The following CORO1C variants were observed in gnomAD, a reference collection of about 807,000 sequenced individuals.
CORO1C encodes coronin 1C, also known as coronin-1C.
CORO1C carries 14 observed loss-of-function variants against 51.2 expected under a neutral mutation model. That is an observed-to-expected ratio of 0.27 (90% CI 0.18 to 0.43). The LOEUF (loss-of-function observed/expected upper bound fraction) is 0.43. CORO1C is among the 20% of genes least tolerant of loss of function. The pLI is 1.00. For missense variants in CORO1C, 417 were observed against 607.8 expected, an observed-to-expected ratio of 0.69 and a Z score of 3.30; for synonymous variants, 181 against 210.5, an observed-to-expected ratio of 0.86 and a Z score of 1.21.
chr12:108,720,869 C>T (rs1201249047), intron 1 of CORO1C, among the ~76,000 whole-genome samples: 2 of 152,262 alleles, frequency 1.3e-5, no homozygotes, highest in African/African-American at 4.8e-5. Flanking sequence ...ATCTTTATTC[C>T]TTTCATCTTC....
chr12:108,668,028 C>T (rs891976730), intron 3 of CORO1C, among the ~76,000 whole-genome samples: 26 of 152,330 alleles, frequency 1.7e-4, no homozygotes, highest in African/African-American at 5.8e-4. Flanking sequence ...CAACTTGCTA[C>T]TGGGCTAGGA....
intron 1 of CORO1C, among the ~76,000 whole-genome samples, chr12:108,724,128 C>T (rs554812508): frequency 2.0e-5 from 3 of 152,172 alleles, no homozygotes; most frequent in Admixed American, 1.3e-4. Context: ...TTAATACATG[C>T]ACAACCTGAA....
At chr12:108,669,619 T>C (rs1320299902) in intron 3 of CORO1C, among the ~76,000 whole-genome samples, 1 of 135,152 alleles carries the variant, frequency 7.4e-6, no homozygotes, top group Non-Finnish European at 1.5e-5. Flanking sequence ...TATTTGTAGC[T>C]CATGAGCTAC....
At chr12:108,655,391 C>T (rs938341812) in intron 6 of CORO1C, among the ~76,000 whole-genome samples, 6 of 149,312 alleles carry the variant, frequency 4.0e-5, no homozygotes, top group Non-Finnish European at 7.4e-5. Flanking sequence ...CCTCTCCCCA[C>T]GGTCTCCCTC....
chr12:108,690,090 T>G (rs974513966), intron 2 of CORO1C, among the ~76,000 whole-genome samples: 1 of 152,136 alleles, frequency 6.6e-6, no homozygotes, highest in African/African-American at 2.4e-5. Context: ...GGGGAGGAGC[T>G]AGAGTGATTG....
At chr12:108,725,069 A>G (rs2035556009) in intron 1 of CORO1C, among the ~76,000 whole-genome samples, 1 of 152,214 alleles carries the variant, frequency 6.6e-6, no homozygotes, top group Admixed American at 6.5e-5. Context: ...AGACAGACAC[A>G]CAGACAGAGA....
At chr12:108,726,895 G>T (rs945293810) in intron 1 of CORO1C, among the ~76,000 whole-genome samples, 2 of 152,140 alleles carry the variant, frequency 1.3e-5, no homozygotes, top group African/African-American at 4.8e-5. Context: ...TCTGCCATTG[G>T]GGAAATGTTT....
chr12:108,709,294 G>T (rs2035116805), intron 1 of CORO1C, among the ~76,000 whole-genome samples: 1 of 152,128 alleles, frequency 6.6e-6, no homozygotes, highest in South Asian at 2.1e-4. Flanking sequence ...TAAGAGCCCA[G>T]TAATAGCTTT....
chr12:108,690,154 CA>C (rs1401680708), intron 2 of CORO1C, among the ~76,000 whole-genome samples: 1 of 152,134 alleles, frequency 6.6e-6, no homozygotes, highest in African/African-American at 2.4e-5. Flanking sequence ...AGCAGCAGAC[CA>C]AAAAGACGGG....
chr12:108,649,319 A>G (rs1162777573), intron 8 of CORO1C: 2 of 439,606 alleles, frequency 4.5e-6, no homozygotes, highest in African/African-American at 2.0e-5. Flanking sequence ...CTGTGGTGGA[A>G]ATAATAGCAA....
chr12:108,679,892 G>A (rs779422183), intron 2 of CORO1C, among the ~76,000 whole-genome samples: 3 of 152,088 alleles, frequency 2.0e-5, no homozygotes, highest in Admixed American at 6.6e-5. Flanking sequence ...CACAATTACC[G>A]TAAGGATTAA....
chr12:108,709,606 A>G (rs1565934492), intron 1 of CORO1C, among the ~76,000 whole-genome samples: 2 of 152,218 alleles, frequency 1.3e-5, no homozygotes, highest in Admixed American at 1.3e-4. Flanking sequence ...CATATCACCA[A>G]ACTTAGGAGT....
Position 108,689,436 on chromosome 12 carries a change from A to G in CORO1C, c.196-11042T>C, listed in dbSNP as rs562864511. On this transcript the variant is annotated intron_variant, in intron 2 of 10. Coordinates refer to ENST00000261401, the MANE Select transcript of CORO1C (RefSeq NM_014325.4). ...AGAAGCTCAAGGTATCCCACACACAATTTCTTTCAAGTTTGCATTCTGGAG... is the reference window on the plus strand; with the variant it reads ...AGAAGCTCAAGGTATCCCACACACAGTTTCTTTCAAGTTTGCATTCTGGAG... Among the ~76,000 whole-genome samples the G allele has an allele frequency of 2.0e-5, 3 of 152,290 alleles. No individual in the cohort carries two copies. In the South Asian group the frequency reaches 6.2e-4, roughly 32 times the overall value.
intron 2 of CORO1C, among the ~76,000 whole-genome samples, chr12:108,698,157 T>G (rs2034750432): frequency 6.6e-6 from 1 of 152,202 alleles, no homozygotes; most frequent in African/African-American, 2.4e-5. Context: ...GGCACATGAC[T>G]GTCATGAGGG....
At chr12:108,655,793 G>A (rs1359205037) in intron 6 of CORO1C, among the ~76,000 whole-genome samples, 4 of 152,216 alleles carry the variant, frequency 2.6e-5, no homozygotes, top group East Asian at 1.9e-4. Flanking sequence ...GCCTCTGCCC[G>A]GCCACCACCC....
chr12:108,658,898 A>G lies in CORO1C; in HGVS notation c.470T>C (p.Ile157Thr). 6.2e-7 allele frequency: 1 copy of G among 1,610,110 alleles called. No individual in the cohort carries two copies. The highest frequency in any genetic ancestry group is 8.5e-7 in the Non-Finnish European group (1 of 1,176,470). ...LSAGCDNAIIIWNVGTGEALI... is the reference protein window; with the variant it reads ...LSAGCDNAIITWNVGTGEALI... ...GGCTTCCCCTGTTCCCACATTCCAG[A>G]TGATAATGGCATTATCACAGCCTAA... The change falls in exon 5 of 11, where the codon ATC (isoleucine) becomes ACC (threonine). Residue 157 changes from isoleucine (I) to threonine (T), a missense_variant. Physicochemically the swap from Ile to Thr is moderately conservative, Grantham distance 89. Transcript: ENST00000261401. This position sits in a 1 kb window ranked among gnomAD's most constrained non-coding sequence, Gnocchi z 4.9.
At chr12:108,677,793 C>T (rs1407263545) in intron 3 of CORO1C, among the ~76,000 whole-genome samples, 1 of 152,034 alleles carries the variant, frequency 6.6e-6, no homozygotes, top group Non-Finnish European at 1.5e-5. Flanking sequence ...CCGAGGCAGG[C>T]GGATCACTTG....
rs534217868 is a variant in CORO1C, at chr12:108,658,753, T to C, written c.615A>G (p.Lys205=). The change falls in exon 5 of 11, where the codon AAA becomes AAG. Residue 205 remains lysine (K), a synonymous_variant. Coordinates refer to ENST00000261401, the MANE Select transcript of CORO1C (RefSeq NM_014325.4). This position sits in a 1 kb window ranked among gnomAD's most constrained non-coding sequence, Gnocchi z 4.9. Reference sequence around the variant, plus strand: ...GAATACTCACAGCAACAATCTCTTGTTTCCTGGGATCAATGACTCTCACTT... The same window carrying C: ...GAATACTCACAGCAACAATCTCTTGCTTCCTGGGATCAATGACTCTCACTT... ...DKKVRVIDPR[K]QEIVAEKEKA... is the part of the protein sequence containing the mutation. 1.9e-6 allele frequency: 3 copies of C among 1,609,720 alleles called. No homozygotes were observed. The South Asian group carries it at 3.3e-5, about 18-fold the overall frequency.
At chr12:108,718,076 A>C (rs1482200580) in intron 1 of CORO1C, among the ~76,000 whole-genome samples, 1 of 151,744 alleles carries the variant, frequency 6.6e-6, no homozygotes, top group East Asian at 1.9e-4. Flanking sequence ...AAATTAGGTC[A>C]GGCCTGGTGG....
Sources: allele counts gnomAD v4.1 joint callset (sites outside exome capture counted in the v4.1 genomes callset), GRCh38; gene constraint gnomAD v4.1.1; non-coding constraint Gnocchi (gnomAD v3.1); transcripts MANE v1.5; gene names NCBI Gene and HGNC (gene_info 2026-07-23, HGNC 2026-07-21).